Variants in USP38 observed in about 807,000 individuals in gnomAD.
The protein encoded by USP38 is ubiquitin specific peptidase 38, also known as ubiquitin carboxyl-terminal hydrolase 38.
Under a neutral mutation model 94.3 loss-of-function variants are expected in USP38, and 49 were observed. The observed-to-expected ratio is 0.52, with a 90% CI of 0.41 to 0.66. The LOEUF is 0.66. USP38 is among the 30% of genes least tolerant of loss of function. USP38 has a pLI of 0.00. For missense variants in USP38, 1,128 were observed against 1,229.4 expected (o/e 0.92, Z 1.23); for synonymous variants, 468 against 463.6 (o/e 1.01, Z -0.12).
At position 143,209,529 on chromosome 4, in the gene USP38, C is replaced by G. The variant is rs373669194; in HGVS notation, c.1404-35C>G. The G allele has an allele frequency of 3.9e-4, 486 of 1,262,036 alleles. 1 individual carries two copies. Among genetic ancestry groups the G allele is most frequent in the Non-Finnish European group, 5.0e-4 (448 of 898,010 alleles). The allele number at this position is 1,262,036 out of a possible 1,614,324, so 78.2% of individuals were successfully genotyped here. A position where few individuals can be genotyped will look rare whatever the true frequency, so the allele number is the denominator to read the frequency against. The stretch of plus-strand genomic sequence containing the variant: ...CTTTTAATAAATGCATGTGTTTGTA[C>G]GCACATATATATAAATCATTATATT... On this transcript the variant is annotated intron_variant, in intron 6 of 9. Coordinates refer to ENST00000307017, the MANE Select transcript of USP38 (RefSeq NM_032557.6).
rs1321924235 is a variant in USP38, at chr4:143,214,184, A to G, written c.2208A>G (p.Gln736=). 1.2e-6 allele frequency: 2 copies of G among 1,613,616 alleles called. No homozygotes were observed. Among genetic ancestry groups the G allele is most frequent in the South Asian group, 1.1e-5 (1 of 91,038 alleles). The part of the protein sequence containing the change: ...LAPEILTGDN[Q]YYCENCASLQ... ...CAGAGATTCTTACTGGTGATAACCA[A>G]TATTATTGTGAAAACTGTGCCTCTC... is the stretch of plus-strand genomic sequence containing the variant. The change falls in exon 9 of 10, where the codon CAA becomes CAG. Residue 736 remains glutamine (Q), a synonymous_variant. Transcript: ENST00000307017.
Position 143,195,926 on chromosome 4 carries a change from G to A in USP38, c.948+81G>A, listed in dbSNP as rs1480094271. ...TTTTCTTTGGGTGGTATCCTTGAAA[G>A]CATCTAATTTTGAATATGTTATTGT... On this transcript the variant is annotated intron_variant, in intron 3 of 9. Transcript: ENST00000307017. 5.4e-6 allele frequency: 7 copies of A among 1,293,730 alleles called. No individual in the cohort carries two copies. In the South Asian group the frequency reaches 7.3e-5, roughly 14 times the overall value. 80.1% of individuals were successfully genotyped at this position (1,293,730 alleles called of 1,614,324 possible). A position where few individuals can be genotyped will look rare whatever the true frequency, so the allele number is the denominator to read the frequency against.
intron 5 of USP38, among the ~76,000 whole-genome samples, chr4:143,203,834 A>G (rs1457982001): frequency 6.6e-6 from 1 of 152,172 alleles, no homozygotes; most frequent in African/African-American, 2.4e-5. Context: ...AAATTTGTTT[A>G]AAAAGAAATG....
Position 143,214,248 on chromosome 4 carries a change from C to G in USP38, c.2272C>G (p.Pro758Ala). 6.2e-7 allele frequency: 1 copy of G among 1,613,522 alleles called. No individual in the cohort carries two copies. Among genetic ancestry groups the G allele is most frequent in the East Asian group, 2.2e-5 (1 of 44,842 alleles). Residue 758 changes from proline (P) to alanine (A), a missense_variant, in exon 9 of 10, where the codon CCT becomes GCT. Coordinates refer to ENST00000307017, the MANE Select transcript of USP38 (RefSeq NM_032557.6). The stretch of plus-strand genomic sequence containing the variant: ...GAAAACTATGCAAATCACGGAGGAA[C>G]CTGAATACCTTATTCTTACTCTCCT... ...AEKTMQITEE[P>A]EYLILTLLRF...
Position 143,221,985 on chromosome 4 carries a change from G to A in USP38, c.*1529G>A, listed in dbSNP as rs1427935311. 6 of 152,016 alleles carry A rather than the reference G, an allele frequency of 3.9e-5. No individual in the cohort carries two copies. In the East Asian group the frequency reaches 1.2e-3, roughly 29 times the overall value. The allele number at this position is 152,016 out of a possible 1,614,324, so 9.4% of individuals were successfully genotyped here. Reference sequence around the variant, plus strand: ...CTCCTCCTTATAAATGAATGAACCAGTTATCATGCTTTTCTGTGGTTTTCC... The same window carrying A: ...CTCCTCCTTATAAATGAATGAACCAATTATCATGCTTTTCTGTGGTTTTCC... On this transcript the variant is annotated 3_prime_UTR_variant, in exon 10 of 10. Coordinates refer to ENST00000307017, the MANE Select transcript of USP38 (RefSeq NM_032557.6).
chr4:143,216,741 GC>G (rs1405809411), intron 9 of USP38, among the ~76,000 whole-genome samples: 1 of 152,008 alleles, frequency 6.6e-6, no homozygotes, highest in East Asian at 1.9e-4. Flanking sequence ...CTCCCAAAGT[GC>G]TGGGCCACTG....
At chr4:143,195,233 C>G (rs1405848719) in intron 2 of USP38, among the ~76,000 whole-genome samples, 1 of 152,028 alleles carries the variant, frequency 6.6e-6, no homozygotes, top group Non-Finnish European at 1.5e-5. Flanking sequence ...GTTGAGCATC[C>G]CAAATTTGAA....
intron 3 of USP38, among the ~76,000 whole-genome samples, chr4:143,196,850 T>C (rs566749084): frequency 6.6e-6 from 1 of 152,342 alleles, no homozygotes; most frequent in South Asian, 2.1e-4. Context: ...CTCTATCCTT[T>C]CACTTGCTCA....
In USP38 at chr4:143,223,641, C is replaced by T. The variant is rs1732377233; in HGVS notation, c.*3185C>T. 6.6e-6 allele frequency: 1 copy of T among 152,012 alleles called. No individual in the cohort carries two copies. Among genetic ancestry groups the T allele is most frequent in the Admixed American group, 6.6e-5 (1 of 15,236 alleles). 9.4% of individuals were successfully genotyped at this position (152,012 alleles called of 1,614,324 possible). ...AAAAAAATAATTGGCACTGTTTGTC[C>T]AGTTACTGGAGATCTTCATTTTGAT... On this transcript the variant is annotated 3_prime_UTR_variant, in exon 10 of 10. Transcript: ENST00000307017.
intron 2 of USP38, among the ~76,000 whole-genome samples, chr4:143,188,223 G>T (rs578022612): frequency 6.6e-6 from 1 of 151,964 alleles, no homozygotes; most frequent in Admixed American, 6.6e-5. Context: ...ATGTTGATTG[G>T]ATTATCAGTA....
intron 2 of USP38, among the ~76,000 whole-genome samples, chr4:143,193,881 T>A (rs1205413002): frequency 2.0e-5 from 3 of 152,164 alleles, no homozygotes; most frequent in Non-Finnish European, 4.4e-5. Flanking sequence ...AGGCCAGGAT[T>A]TCAAGACCAG....
Position 143,213,247 on chromosome 4 carries a change from C to T in USP38, c.1605-334C>T, listed in dbSNP as rs1038206335. On this transcript the variant is annotated intron_variant, in intron 8 of 9. Transcript: ENST00000307017. ...CCTTCCATTCAGCTAAGAATCTATT[C>T]AGTAGTTTATTTGTGCCTGACTTTC... Among the ~76,000 whole-genome samples the T allele has an allele frequency of 7.2e-5, 11 of 152,188 alleles. No individual in the cohort carries two copies. The South Asian group carries it at 8.3e-4, about 11-fold the overall frequency.
At position 143,223,808 on chromosome 4, in the gene USP38, T is replaced by C; in HGVS notation, c.*3352T>C. 6.6e-6 allele frequency: 1 copy of C among 152,220 alleles called. No individual in the cohort carries two copies. Among genetic ancestry groups the C allele is most frequent in the African/African-American group, 2.4e-5 (1 of 41,572 alleles). 9.4% of individuals were successfully genotyped at this position (152,220 alleles called of 1,614,324 possible). ...GTACATTTATATATAGTATTTTTTC[T>C]CATAAAAATGTGATAGTTTATATAT... On this transcript the variant is annotated 3_prime_UTR_variant, in exon 10 of 10. Coordinates refer to ENST00000307017, the MANE Select transcript of USP38 (RefSeq NM_032557.6).
At chr4:143,213,476 C>T (rs1581167847) in intron 8 of USP38, 105 bp from the exon 9 acceptor site, 1 of 1,218,846 alleles carries the variant, frequency 8.2e-7, no homozygotes, top group Non-Finnish European at 1.1e-6. Context: ...GATTTGTTTA[C>T]ATTAAATTTG....
intron 2 of USP38, among the ~76,000 whole-genome samples, chr4:143,189,488 G>A (rs1346311727): frequency 6.6e-6 from 1 of 151,996 alleles, no homozygotes; most frequent in Admixed American, 6.5e-5. Context: ...TTCATATTGA[G>A]TTCTCAGCTG....
intron 3 of USP38, among the ~76,000 whole-genome samples, chr4:143,197,070 C>T (rs577897450): frequency 6.6e-6 from 1 of 152,294 alleles, no homozygotes; most frequent in Non-Finnish European, 1.5e-5. Context: ...TATTCTGGCC[C>T]ACTTTTTCTC....
At position 143,214,635 on chromosome 4, in the gene USP38, C is replaced by A; in HGVS notation, c.2659C>A (p.Gln887Lys). 6.2e-7 allele frequency: 1 copy of A among 1,613,644 alleles called. No homozygotes were observed. The highest frequency in any genetic ancestry group is 1.1e-5 in the South Asian group (1 of 91,058). The change falls in exon 9 of 10, where the codon CAG (glutamine) becomes AAG (lysine). Residue 887 changes from glutamine (Q) to lysine (K), a missense_variant. Physicochemically the swap from Gln to Lys is moderately conservative, Grantham distance 53 (BLOSUM62 1). Transcript: ENST00000307017. ...TGAGGCTCTGGCATTAGCATCCTCC[C>A]AGAGTCATTTACTAGGGAGAGATAG... The part of the protein sequence containing the change: ...QSEALALASS[Q>K]SHLLGRDSPS...
intron 9 of USP38, 36 bp from the exon 10 acceptor site, chr4:143,220,259 G>C (rs747908202): frequency 4.4e-6 from 7 of 1,582,310 alleles, no homozygotes; most frequent in South Asian, 1.1e-5. Context: ...ATTGTATTTA[G>C]CATTTTAATT....
At chr4:143,211,041 G>C (rs1732010590) in intron 7 of USP38, among the ~76,000 whole-genome samples, 1 of 151,848 alleles carries the variant, frequency 6.6e-6, no homozygotes, top group Non-Finnish European at 1.5e-5. Context: ...CTAGTAAATT[G>C]ATTTTTGTGC....
Sources: gnomAD v4.1 joint callset for allele counts (sites outside exome capture counted in the v4.1 genomes callset) on GRCh38, gnomAD v4.1.1 for gene constraint, MANE v1.5 for transcripts, NCBI Gene and HGNC (gene_info 2026-07-23, HGNC 2026-07-21) for gene names.